Variants in SNTG1 observed in about 807,000 individuals in gnomAD.
SNTG1 encodes the protein gamma-1-syntrophin.
Under a neutral mutation model 74.7 loss-of-function variants are expected in SNTG1, and 39 were observed. The observed-to-expected ratio is 0.52, with a 90% CI of 0.40 to 0.68. The LOEUF is 0.68. Among genes scored for constraint, SNTG1 ranks in the 30% least tolerant of loss-of-function variants. The probability of loss-of-function intolerance (pLI) is 0.00; values close to 1 mark genes in which losing one functional copy is unlikely to be tolerated. For synonymous variants in SNTG1, 254 were observed against 217.1 expected, an observed-to-expected ratio of 1.17 and a Z score of -1.49; for missense variants, 685 against 609.5, an observed-to-expected ratio of 1.12 and a Z score of -1.30.
intron 1 of SNTG1, among the ~76,000 whole-genome samples, chr8:50,095,575 GT>G (rs200010306): frequency 2.0e-5 from 3 of 150,778 alleles, no homozygotes; most frequent in Non-Finnish European, 3.0e-5. Flanking sequence ...ATATGATCCT[GT>G]TTTTTTTTCT....
At chr8:50,116,877 A>T (rs1173783281) in intron 1 of SNTG1, among the ~76,000 whole-genome samples, 1 of 152,148 alleles carries the variant, frequency 6.6e-6, no homozygotes, top group East Asian at 1.9e-4. Flanking sequence ...TGGCATCAGC[A>T]GAATGACCTT....
At chr8:50,172,812 G>A (rs866631689) in intron 2 of SNTG1, among the ~76,000 whole-genome samples, 177 bp downstream of exon 2, 3 of 150,738 alleles carry the variant, frequency 2.0e-5, no homozygotes, top group South Asian at 4.2e-4. Flanking sequence ...TATGGAAGCA[G>A]TAGAAATATT....
intron 18 of SNTG1, among the ~76,000 whole-genome samples, chr8:50,775,748 A>G (rs2095639016): frequency 6.6e-6 from 1 of 151,638 alleles, no homozygotes; most frequent in African/African-American, 2.4e-5. Flanking sequence ...TATCCATTTC[A>G]CCTTTCAATT....
Position 50,705,412 on chromosome 8 carries a change from A to AC in SNTG1, c.1191+661dup, listed in dbSNP as rs376620240. On this transcript the variant is annotated intron_variant, in intron 16 of 18. Transcript: ENST00000642720. ...ATTACATTTTTACATGAAGTCATTA[A>AC]CACATACAACAATAAAAATCATAAA... Among the ~76,000 whole-genome samples, 1,112 of 152,356 alleles carry AC rather than the reference A, an allele frequency of 7.3e-3. 8 individuals are homozygous for AC. Among genetic ancestry groups the AC allele is most frequent in the Middle Eastern group, 0.034 (10 of 294 alleles).
chr8:50,383,357 A>C (rs1315399546), intron 2 of SNTG1, among the ~76,000 whole-genome samples: 6 of 151,790 alleles, frequency 4.0e-5, no homozygotes, highest in Admixed American at 6.6e-5. Context: ...ATGTAAAATT[A>C]ACTATTATTA....
intron 17 of SNTG1, among the ~76,000 whole-genome samples, chr8:50,746,750 G>A (rs767410803): frequency 4.7e-5 from 7 of 150,212 alleles, no homozygotes; most frequent in Non-Finnish European, 1.0e-4. Flanking sequence ...GTGTGGAGTG[G>A]ATATGAACTT....
chr8:50,568,143 A>G (rs1041037918), intron 12 of SNTG1, among the ~76,000 whole-genome samples: 1 of 151,826 alleles, frequency 6.6e-6, no homozygotes, highest in Admixed American at 6.6e-5. Context: ...CACTTAATAC[A>G]TTGTCCTTCA....
At chr8:50,491,325 T>G (rs1054199748) in intron 8 of SNTG1, 2 of 152,324 alleles carry the variant, frequency 1.3e-5, no homozygotes, top group East Asian at 3.9e-4. Context: ...CGACAAGTAC[T>G]TAAGTTGTAC....
chr8:50,785,367 G>A (rs563454531), intron 18 of SNTG1, among the ~76,000 whole-genome samples: 155 of 151,724 alleles, frequency 1.0e-3, no homozygotes, highest in Admixed American at 3.1e-3. Context: ...ATATTTTAGA[G>A]ATTAAAAAGA....
At chr8:50,051,576 C>G (rs1205617471) in intron 1 of SNTG1, among the ~76,000 whole-genome samples, 2 of 152,100 alleles carry the variant, frequency 1.3e-5, no homozygotes, top group African/African-American at 2.4e-5. Flanking sequence ...ATGAAGTTGT[C>G]AAGAGAGCCA....
chr8:49,922,137 C>T (rs1292811628), intron 1 of SNTG1, among the ~76,000 whole-genome samples: 1 of 152,080 alleles, frequency 6.6e-6, no homozygotes, highest in Non-Finnish European at 1.5e-5. Context: ...CACTGCGGCT[C>T]AATGACCTGG....
intron 8 of SNTG1, chr8:50,491,002 T>G (rs2093847442): frequency 6.5e-6 from 1 of 153,170 alleles, no homozygotes; most frequent in African/African-American, 2.4e-5. Flanking sequence ...TCAGACAAGC[T>G]CTGCATCAGG....
chr8:50,397,793 T>C (rs1467857680), intron 3 of SNTG1, among the ~76,000 whole-genome samples: 1 of 152,152 alleles, frequency 6.6e-6, no homozygotes, highest in Non-Finnish European at 1.5e-5. Context: ...GCAGAGTGTG[T>C]GGTGAAGAGC....
At chr8:50,690,085 G>T (rs184430849) in intron 15 of SNTG1, among the ~76,000 whole-genome samples, 10 of 152,022 alleles carry the variant, frequency 6.6e-5, no homozygotes, top group African/African-American at 2.2e-4. Flanking sequence ...CTGTGGGATC[G>T]GTGGTGATAT....
chr8:50,759,862 T>C (rs762341053), intron 18 of SNTG1, among the ~76,000 whole-genome samples: 2 of 152,024 alleles, frequency 1.3e-5, no homozygotes, highest in Non-Finnish European at 2.9e-5. Context: ...TTTAAAGTAG[T>C]TTTTTCCAAT....
chr8:49,969,368 A>T (rs1320243166), intron 1 of SNTG1, among the ~76,000 whole-genome samples: 3 of 150,790 alleles, frequency 2.0e-5, no homozygotes, highest in Non-Finnish European at 4.4e-5. Flanking sequence ...AAGCAAATAC[A>T]CATTTTAATT....
chr8:50,600,938 G>C (rs1317309768), intron 13 of SNTG1, among the ~76,000 whole-genome samples: 1 of 151,560 alleles, frequency 6.6e-6, no homozygotes, highest in Non-Finnish European at 1.5e-5. Flanking sequence ...GGGAGGCCAA[G>C]GTGGGCAGAT....
intron 8 of SNTG1, among the ~76,000 whole-genome samples, chr8:50,467,048 A>C (rs964576361): frequency 2.0e-5 from 3 of 151,904 alleles, no homozygotes; most frequent in Non-Finnish European, 4.4e-5. Flanking sequence ...AACTCTTTTT[A>C]TACATTATTC....
intron 1 of SNTG1, among the ~76,000 whole-genome samples, chr8:49,980,699 G>A (rs964268614): frequency 1.1e-4 from 17 of 151,740 alleles, no homozygotes; most frequent in African/African-American, 4.1e-4. Flanking sequence ...AATTGAGTGT[G>A]GTAGAAATAA....
Sources: gnomAD v4.1 joint callset for allele counts (sites outside exome capture counted in the v4.1 genomes callset) on GRCh38, gnomAD v4.1.1 for gene constraint, MANE v1.5 for transcripts, NCBI Gene and HGNC (gene_info 2026-07-23, HGNC 2026-07-21) for gene names.